Variants in ACOT11 observed in about 807,000 individuals in gnomAD.
ACOT11 encodes acyl-CoA thioesterase 11.
In ACOT11, 69 loss-of-function variants were observed where a neutral mutation model predicts 77.5. The ratio of observed to expected loss-of-function variants is 0.89; its 90% CI spans 0.73 to 1.09. The LOEUF (loss-of-function observed/expected upper bound fraction) is 1.09, where lower values mean the gene tolerates loss of function less well. Ranked by LOEUF, ACOT11 falls within the 50% of genes least tolerant of loss-of-function variation. The pLI is 0.00. For synonymous variants in ACOT11, 279 were observed against 313.0 expected (o/e 0.89, Z 1.15); for missense variants, 766 against 813.7 (o/e 0.94, Z 0.71).
At chr1:54,622,445 G>A (rs906977173) in intron 15 of ACOT11, among the ~76,000 whole-genome samples, 1 of 152,112 alleles carries the variant, frequency 6.6e-6, no homozygotes, top group Non-Finnish European at 1.5e-5. Context: ...GAGCGTGGTG[G>A]CGCACGCCTG....
rs981259328 is a variant in ACOT11, at chr1:54,605,519, G to A, written c.1370+310G>A. On this transcript the variant is annotated intron_variant, in intron 13 of 15. Transcript: ENST00000343744. ...TTCTCTCTTCTTAAAATGGATGCTT[G>A]GATGGCGGGTCATGGATTCACACTC... Among the ~76,000 whole-genome samples, 6 of 152,116 alleles carry A rather than the reference G, an allele frequency of 3.9e-5. 1 individual carries two copies. Among genetic ancestry groups the A allele is most frequent in the African/African-American group, 1.4e-4 (6 of 41,410 alleles).
chr1:54,637,406 A>T (rs1321951250), exon 17 of ACOT11: 3 of 152,268 alleles, frequency 2.0e-5, no homozygotes, highest in Admixed American at 2.0e-4. Flanking sequence ...TTGCTGGAAC[A>T]TGGGAGGTGG....
intron 15 of ACOT11, chr1:54,619,968 AGCATGTCG>A: frequency 6.2e-7 from 1 of 1,614,172 alleles, no homozygotes; most frequent in South Asian, 1.1e-5. Context: ...CAGGTAGTCC[AGCATGTCG>A]GCATCAGGGC....
At chr1:54,599,565 T>A in intron 8 of ACOT11, 150 bp downstream of exon 8, 1 of 966,868 alleles carries the variant, frequency 1.0e-6, no homozygotes, top group South Asian at 3.4e-5. Context: ...CCTCTGAAAT[T>A]CAGCTCTGAT....
At chr1:54,566,496 A>T (rs1047126882) in intron 1 of ACOT11, among the ~76,000 whole-genome samples, 2 of 150,848 alleles carry the variant, frequency 1.3e-5, no homozygotes, top group African/African-American at 4.9e-5. Context: ...TGTCTCTGTC[A>T]ACCCATCTTC....
chr1:54,569,587 G>A (rs114525994), intron 1 of ACOT11, among the ~76,000 whole-genome samples: 2,428 of 152,152 alleles, frequency 0.016, 23 homozygotes, highest in Non-Finnish European at 0.019. Flanking sequence ...ATTCCTTCCC[G>A]AAATGCACTC....
intron 1 of ACOT11, among the ~76,000 whole-genome samples, chr1:54,583,698 G>A (rs59187674): frequency 7.5e-6 from 1 of 133,304 alleles, no homozygotes; most frequent in South Asian, 2.2e-4. Context: ...GATAAAATTG[G>A]ATTAGTACAA....
chr1:54,561,936 G>A (rs1374183021), intron 1 of ACOT11, among the ~76,000 whole-genome samples: 2 of 93,746 alleles, frequency 2.1e-5, no homozygotes, highest in Non-Finnish European at 2.0e-5. Context: ...CCTCCCTCCC[G>A]GACGGGGCGG....
At chr1:54,610,579 G>T, downstream of ACOT11, 1 of 1,604,756 alleles carries the variant, frequency 6.2e-7, no homozygotes, top group East Asian at 2.2e-5. Context: ...AATCGCCAAG[G>T]TGAAGTGGCT....
In ACOT11 at chr1:54,628,313, G is replaced by C. The variant is rs1347957617; in HGVS notation, c.1630-2421G>C. 2.2e-5 allele frequency: 3 copies of C among 134,120 alleles called. No homozygotes were observed. In the Admixed American group the frequency reaches 2.3e-4, roughly 10 times the overall value. The allele number at this position is 134,120 out of a possible 1,614,324, so 8.3% of individuals were successfully genotyped here. On this transcript the variant is annotated intron_variant, in intron 15 of 16. Coordinates refer to the ACOT11 transcript ENST00000371316. ...GCATGTTACAGGGGAGGTGAAACCAGGGGTGGTTCAGAGGCTCCAACATTT... is the reference window on the plus strand; with the variant it reads ...GCATGTTACAGGGGAGGTGAAACCACGGGTGGTTCAGAGGCTCCAACATTT...
downstream of ACOT11, chr1:54,614,895 G>A (rs76533361): frequency 0.042 from 66,936 of 1,603,250 alleles, 2,493 homozygotes; most frequent in Admixed American, 0.16. Context: ...GGGAAATGGC[G>A]AAGGAACTAG....
intron 1 of ACOT11, among the ~76,000 whole-genome samples, chr1:54,558,789 C>T (rs1653360043): frequency 6.6e-6 from 1 of 152,176 alleles, no homozygotes; most frequent in African/African-American, 2.4e-5. Flanking sequence ...GGCTGGGGGT[C>T]CAGGCCTTGT....
Position 54,629,027 on chromosome 1 carries a change from C to G in ACOT11, c.1630-1707C>G, listed in dbSNP as rs1644286243. Reference sequence around the variant, plus strand: ...TGAGCCGAGATTGTACTGCCGCACTCCAGCCTGGGCGACAGAGCAAGACTC... The same window carrying G: ...TGAGCCGAGATTGTACTGCCGCACTGCAGCCTGGGCGACAGAGCAAGACTC... On this transcript the variant is annotated intron_variant, in intron 15 of 16. Coordinates refer to the ACOT11 transcript ENST00000371316. 2.5e-5 allele frequency among the ~76,000 whole-genome samples: 3 copies of G among 117,668 alleles called. No homozygotes were observed. In the South Asian group the frequency reaches 9.0e-4, roughly 35 times the overall value. The allele number at this position is 117,668 out of a possible 152,430, so 77.2% of individuals were successfully genotyped here. A position where few individuals can be genotyped will look rare whatever the true frequency, so the allele number is the denominator to read the frequency against.
chr1:54,634,583 A>G (rs1342457754), intron 16 of ACOT11: 4 of 671,080 alleles, frequency 6.0e-6, no homozygotes, highest in Non-Finnish European at 8.1e-6. Context: ...AACAGCCCAT[A>G]CACAATTGAA....
At chr1:54,549,583 C>G (rs766011827) in intron 1 of ACOT11, among the ~76,000 whole-genome samples, 1 of 152,250 alleles carries the variant, frequency 6.6e-6, no homozygotes, top group Non-Finnish European at 1.5e-5. Context: ...TCAGATTTCT[C>G]ATGACACCAT....
chr1:54,610,985 G>A, downstream of ACOT11: 1 of 985,412 alleles, frequency 1.0e-6, no homozygotes, highest in Non-Finnish European at 1.2e-6. Flanking sequence ...AGAGTAACCA[G>A]CAGTGGAGCT....
chr1:54,550,556 G>A (rs1308942350), intron 1 of ACOT11, among the ~76,000 whole-genome samples: 1 of 152,180 alleles, frequency 6.6e-6, no homozygotes, highest in Non-Finnish European at 1.5e-5. Flanking sequence ...GCTCACACCT[G>A]TCATCCTAGC....
At chr1:54,638,071 C>T (rs970391405) in exon 17 of ACOT11, 1 of 151,990 alleles carries the variant, frequency 6.6e-6, no homozygotes, top group African/African-American at 2.4e-5. Context: ...ATCCTCCCAC[C>T]ATGGCATCCT....
intron 15 of ACOT11, among the ~76,000 whole-genome samples, chr1:54,629,517 A>G (rs1207870102): frequency 7.6e-6 from 1 of 132,416 alleles, no homozygotes. Context: ...CAATCTCCTG[A>G]CCTCGTGATA....
Sources: allele counts gnomAD v4.1 joint callset (sites outside exome capture counted in the v4.1 genomes callset), GRCh38; gene constraint gnomAD v4.1.1; transcripts MANE v1.5; gene names NCBI Gene and HGNC (gene_info 2026-07-23, HGNC 2026-07-21).